SLC13A4: variants seen among roughly 807,000 people sequenced by gnomAD.
The protein encoded by SLC13A4 is solute carrier family 13 member 4, also known as Na(+)/sulfate cotransporter SUT-1.
SLC13A4 carries 28 observed loss-of-function variants against 72.7 expected under a neutral mutation model. That is an observed-to-expected ratio of 0.39 (90% CI 0.29 to 0.53). The LOEUF (loss-of-function observed/expected upper bound fraction) is 0.53, where lower values mean the gene tolerates loss of function less well. SLC13A4 is among the 20% of genes least tolerant of loss of function. SLC13A4 has a pLI of 0.78. For synonymous variants in SLC13A4, 312 were observed against 325.5 expected, an observed-to-expected ratio of 0.96 and a Z score of 0.45; for missense variants, 653 against 788.0, an observed-to-expected ratio of 0.83 and a Z score of 2.05.
At chr7:135,716,139 C>CATGGAAGCCTGGACTT (rs772592279) in intron 2 of SLC13A4, among the ~76,000 whole-genome samples, 5,030 of 151,920 alleles carry the variant, frequency 0.033, 110 homozygotes, top group Middle Eastern at 0.082. Context: ...AGTGTGGAGC[C>CATGGAAGCCTGGACTT]ATGGAAGCCT....
chr7:135,711,794 G>A (rs1053994996), intron 2 of SLC13A4, among the ~76,000 whole-genome samples: 2 of 151,774 alleles, frequency 1.3e-5, no homozygotes, highest in Non-Finnish European at 2.9e-5. Context: ...GAGTTGTTCT[G>A]TGGCCCAGAC....
chr7:135,706,041 T>G, intron 4 of SLC13A4, 87 bp downstream of exon 4: 3 of 1,360,466 alleles, frequency 2.2e-6, no homozygotes, highest in Non-Finnish European at 3.0e-6. Flanking sequence ...GGGCACAAAG[T>G]TGGGCAGTCT....
At chr7:135,683,014 A>G (rs1004932745) in intron 15 of SLC13A4, among the ~76,000 whole-genome samples, 4 of 152,070 alleles carry the variant, frequency 2.6e-5, no homozygotes, top group African/African-American at 9.7e-5. Context: ...AAGGACCTGA[A>G]TAGGCTGAGA....
chr7:135,724,406 A>G (rs1258758454), intron 1 of SLC13A4, among the ~76,000 whole-genome samples: 3 of 149,322 alleles, frequency 2.0e-5, no homozygotes, highest in Non-Finnish European at 4.4e-5. Context: ...CTGAGGCAGG[A>G]GAATCCCTTG....
At position 135,701,741 on chromosome 7, in the gene SLC13A4, G is replaced by A. The variant is rs756692174; in HGVS notation, c.653C>T (p.Ser218Leu). ...MHNENLNGVP[S>L]ITNPIKTANQ... ...TGCAGTTTTGATGGGGTTGGTGATC[G>A]AGGGCACACCATTCAGGTTCTGTTG... The change falls in exon 7 of 16, where the codon TCG (serine) becomes TTG (leucine). Residue 218 changes from serine (S) to leucine (L), a missense_variant. By Grantham distance (145) the Ser-to-Leu change is moderately radical (BLOSUM62 -2). Coordinates refer to ENST00000682651, the MANE Select transcript of SLC13A4 (RefSeq NM_001318192.2). The A allele has an allele frequency of 8.7e-6, 14 of 1,613,726 alleles. No homozygotes were observed. Among genetic ancestry groups the A allele is most frequent in the Non-Finnish European group, 7.6e-6 (9 of 1,179,900 alleles).
Position 135,708,205 on chromosome 7 carries a change from C to G in SLC13A4, c.274G>C (p.Val92Leu). ...TCCACGGCAGCCGCCACGCAGATGA[C>G]CCCCACCAGCAGCAGCGTGGTGTTC... ...FKNTTLLLVG[V>L]ICVAAAVEKW... Residue 92 changes from valine (V) to leucine (L), a missense_variant, in exon 3 of 16, where the codon GTC (valine) becomes CTC (leucine). Val to Leu is a conservative substitution (Grantham distance 32). Transcript: ENST00000682651. 6.2e-7 allele frequency: 1 copy of G among 1,614,214 alleles called. No homozygotes were observed. Among genetic ancestry groups the G allele is most frequent in the Non-Finnish European group, 8.5e-7 (1 of 1,180,038 alleles).
At chr7:135,707,914 G>T in intron 3 of SLC13A4, 200 bp downstream of exon 3, 1 of 557,332 alleles carries the variant, frequency 1.8e-6, no homozygotes, top group Non-Finnish European at 3.1e-6. Flanking sequence ...GATAATGATA[G>T]CAAGGTCACA....
intron 2 of SLC13A4, among the ~76,000 whole-genome samples, chr7:135,715,240 TATGTGTATGTGTATGAGTGTGGGC>T (rs1796395283): frequency 1.3e-5 from 1 of 76,010 alleles, no homozygotes; most frequent in Non-Finnish European, 4.0e-5. Flanking sequence ...TGTATGTGTG[TATGTGTATGTGTATGAGTGTGGGC>T]ATGTGTATGA....
rs1409762450 is a variant in SLC13A4, at chr7:135,715,290, TGA to T, written c.228+6103_228+6104del. ...ATGTGTATGAGTGTATGAGTGTGTG[TGA>T]GTGTACGTATATCTAAGCATGTGTA... On this transcript the variant is annotated intron_variant, in intron 2 of 15. Transcript: ENST00000682651. Among the ~76,000 whole-genome samples the T allele has an allele frequency of 1.5e-4, 22 of 148,656 alleles. 1 individual carries two copies. The highest frequency in any genetic ancestry group is 6.7e-4 in the Admixed American group (10 of 15,008).
intron 13 of SLC13A4, among the ~76,000 whole-genome samples, chr7:135,687,661 T>C (rs998492154): frequency 3.3e-5 from 5 of 152,352 alleles, no homozygotes; most frequent in Admixed American, 6.5e-5. Context: ...AGGAACTCTT[T>C]AATTGTTCCC....
At chr7:135,716,737 G>A (rs1796441475) in intron 2 of SLC13A4, among the ~76,000 whole-genome samples, 1 of 152,162 alleles carries the variant, frequency 6.6e-6, no homozygotes, top group Non-Finnish European at 1.5e-5. Context: ...GCATAACCGC[G>A]GGTAAGTAAG....
chr7:135,716,631 C>A (rs939339718), intron 2 of SLC13A4, among the ~76,000 whole-genome samples: 1 of 152,180 alleles, frequency 6.6e-6, no homozygotes, highest in Non-Finnish European at 1.5e-5. Context: ...ATTAATTCAA[C>A]GGAGGATTTT....
At chr7:135,713,468 T>A (rs1796349506) in intron 2 of SLC13A4, among the ~76,000 whole-genome samples, 2 of 152,232 alleles carry the variant, frequency 1.3e-5, no homozygotes, top group African/African-American at 4.8e-5. Context: ...CTGTCACCAA[T>A]TTTTTAAGGG....
chr7:135,706,130 A>T lies in SLC13A4; in HGVS notation c.536T>A (p.Ile179Asn). 1 of 1,591,952 alleles carries T rather than the reference A, an allele frequency of 6.3e-7. No individual in the cohort carries two copies. ...GNSNTEEAEP[I>N]SLDVKNSQPS... is the part of the protein sequence containing the mutation. The stretch of plus-strand genomic sequence containing the variant: ...AGATGAACTCCAGCAAACTGTACTG[A>T]TGGGTTCGGCCTCTTCGGTGTTGGA... The change falls in exon 4 of 16, where the codon ATC (isoleucine) becomes AAC (asparagine). Residue 179 changes from isoleucine (I) to asparagine (N), a missense_variant and splice_region_variant. Transcript: ENST00000682651.
chr7:135,710,726 C>T (rs1156360667), intron 2 of SLC13A4, among the ~76,000 whole-genome samples: 1 of 152,238 alleles, frequency 6.6e-6, no homozygotes, highest in Non-Finnish European at 1.5e-5. Flanking sequence ...TGCTCCATCT[C>T]TCCTTTCTCT....
chr7:135,699,175 A>C (rs1467777344), intron 8 of SLC13A4, among the ~76,000 whole-genome samples, 189 bp downstream of exon 8: 1 of 152,156 alleles, frequency 6.6e-6, no homozygotes, highest in Non-Finnish European at 1.5e-5. Context: ...TCCTAGGCTC[A>C]AGCAATCCCC....
intron 2 of SLC13A4, among the ~76,000 whole-genome samples, chr7:135,711,890 T>C (rs909297062): frequency 6.7e-6 from 1 of 149,830 alleles, no homozygotes. Flanking sequence ...CCCAAGTAGC[T>C]GGAGCTACAG....
intron 9 of SLC13A4, 120 bp downstream of exon 9, chr7:135,695,248 T>A (rs959335461): frequency 3.7e-6 from 5 of 1,354,294 alleles, no homozygotes; most frequent in Non-Finnish European, 5.1e-6. Context: ...GCATTCTCCT[T>A]GGGCATCCTC....
chr7:135,698,263 C>T (rs578063130), intron 8 of SLC13A4, among the ~76,000 whole-genome samples: 25 of 150,466 alleles, frequency 1.7e-4, no homozygotes, highest in African/African-American at 5.9e-4. Context: ...GAACTCCTGA[C>T]CTCAAGTGAT....
Sources: gnomAD v4.1 joint callset for allele counts (sites outside exome capture counted in the v4.1 genomes callset) on GRCh38, gnomAD v4.1.1 for gene constraint, MANE v1.5 for transcripts, NCBI Gene and HGNC (gene_info 2026-07-23, HGNC 2026-07-21) for gene names.